Variants in PDE4D observed in about 807,000 individuals in gnomAD.
PDE4D encodes the protein phosphodiesterase 4D, also known as 3',5'-cyclic-AMP phosphodiesterase 4D.
Under a neutral mutation model 87.4 loss-of-function variants are expected in PDE4D, and 24 were observed. The ratio of observed to expected loss-of-function variants is 0.27; its 90% confidence interval spans 0.20 to 0.39. PDE4D has a LOEUF of 0.39. Among genes scored for constraint, PDE4D ranks in the 10% least tolerant of loss-of-function variants. PDE4D has a pLI of 1.00. For synonymous variants in PDE4D, 384 were observed against 383.2 expected (o/e 1.00, Z -0.02); for missense variants, 714 against 1,041.0 (o/e 0.69, Z 4.32).
At chr5:59,325,824 T>C (rs538090132) in intron 1 of PDE4D, among the ~76,000 whole-genome samples, 20 of 152,204 alleles carry the variant, frequency 1.3e-4, no homozygotes, top group African/African-American at 4.6e-4. Flanking sequence ...ATTGATGCAA[T>C]CTGTCAAATT....
chr5:60,293,404 C>T (rs919458429), intron 1 of PDE4D, among the ~76,000 whole-genome samples: 1 of 152,024 alleles, frequency 6.6e-6, no homozygotes, highest in Non-Finnish European at 1.5e-5. Context: ...GTCCCAGCTA[C>T]TCGGGAGGCT....
intron 5 of PDE4D, among the ~76,000 whole-genome samples, chr5:59,097,661 C>T (rs1769986076): frequency 6.6e-6 from 1 of 152,156 alleles, no homozygotes; most frequent in East Asian, 1.9e-4. Flanking sequence ...AAGAAGCAAA[C>T]TTTGAGCACT....
At chr5:60,158,524 T>C (rs1284153451) in intron 2 of PDE4D, among the ~76,000 whole-genome samples, 1 of 152,204 alleles carries the variant, frequency 6.6e-6, no homozygotes, top group Non-Finnish European at 1.5e-5. Flanking sequence ...ATGTAGACTT[T>C]ATAAACACTG....
intron 3 of PDE4D, among the ~76,000 whole-genome samples, chr5:59,916,080 T>TA (rs1195437550): frequency 6.6e-6 from 1 of 152,120 alleles, no homozygotes; most frequent in Non-Finnish European, 1.5e-5. Flanking sequence ...AACCCCAAAA[T>TA]ACGGGTAGTC....
intron 1 of PDE4D, among the ~76,000 whole-genome samples, chr5:59,859,893 T>C (rs1746002367): frequency 6.6e-6 from 1 of 152,154 alleles, no homozygotes; most frequent in Admixed American, 6.6e-5. Context: ...ATTGGTCCTC[T>C]AAAAGTACAA....
chr5:59,623,259 T>C (rs1830538161), intron 1 of PDE4D, among the ~76,000 whole-genome samples: 2 of 152,234 alleles, frequency 1.3e-5, no homozygotes, highest in African/African-American at 2.4e-5. Context: ...AGTACAGTGC[T>C]GTTCAATCGA....
intron 1 of PDE4D, among the ~76,000 whole-genome samples, chr5:59,554,407 A>G (rs1242305206): frequency 6.6e-6 from 1 of 152,140 alleles, no homozygotes; most frequent in Non-Finnish European, 1.5e-5. Flanking sequence ...CTGCCCACAG[A>G]TGGCAAGTGA....
chr5:58,997,239 A>G (rs1749425307), intron 6 of PDE4D, among the ~76,000 whole-genome samples: 3 of 152,186 alleles, frequency 2.0e-5, no homozygotes, highest in Admixed American at 6.5e-5. Context: ...ATGAATAACC[A>G]CAAAAATTAC....
intron 1 of PDE4D, among the ~76,000 whole-genome samples, chr5:60,370,775 G>A (rs957817200): frequency 1.3e-5 from 2 of 152,114 alleles, no homozygotes; most frequent in African/African-American, 4.8e-5. Flanking sequence ...GTGTGTGTGT[G>A]TGCGTGCGTG....
chr5:59,676,497 G>T (rs1465837882), intron 1 of PDE4D, among the ~76,000 whole-genome samples: 3 of 152,068 alleles, frequency 2.0e-5, no homozygotes, highest in African/African-American at 7.2e-5. Context: ...ATATTAATTT[G>T]TGATCAACTA....
At chr5:60,044,128 AT>A (rs1204086981) in intron 2 of PDE4D, among the ~76,000 whole-genome samples, 1 of 151,854 alleles carries the variant, frequency 6.6e-6, no homozygotes, top group Non-Finnish European at 1.5e-5. Flanking sequence ...TTTATTGTAT[AT>A]TTTCAAATAG....
At chr5:59,655,377 CA>C (rs1211714865) in intron 1 of PDE4D, among the ~76,000 whole-genome samples, 2 of 152,138 alleles carry the variant, frequency 1.3e-5, no homozygotes, top group African/African-American at 2.4e-5. Flanking sequence ...AAGGTAGAAG[CA>C]CTTACTGATA....
intron 1 of PDE4D, among the ~76,000 whole-genome samples, chr5:59,556,142 T>G (rs1297341262): frequency 6.6e-6 from 1 of 152,198 alleles, no homozygotes; most frequent in Non-Finnish European, 1.5e-5. Flanking sequence ...CTATGTCATT[T>G]CTTCACTTTT....
At chr5:59,828,299 T>C (rs578165993) in intron 1 of PDE4D, among the ~76,000 whole-genome samples, 5 of 152,038 alleles carry the variant, frequency 3.3e-5, no homozygotes, top group Admixed American at 6.6e-5. Context: ...TCCAGATATA[T>C]GTTATAGAAA....
chr5:59,753,866 G>C (rs1410580212), intron 1 of PDE4D, among the ~76,000 whole-genome samples: 1 of 152,178 alleles, frequency 6.6e-6, no homozygotes, highest in Non-Finnish European at 1.5e-5. Context: ...GTATGTACGT[G>C]TTCATTTGCA....
chr5:60,303,181 T>C (rs1754082476), intron 1 of PDE4D, among the ~76,000 whole-genome samples: 1 of 152,074 alleles, frequency 6.6e-6, no homozygotes, highest in African/African-American at 2.4e-5. Context: ...TCTGGTATGA[T>C]GTCTCTTTTT....
chr5:59,655,649 A>G (rs1744230589), intron 1 of PDE4D, among the ~76,000 whole-genome samples: 1 of 152,152 alleles, frequency 6.6e-6, no homozygotes, highest in Non-Finnish European at 1.5e-5. Context: ...GCCAGAAGCC[A>G]TGGTTTTTAG....
intron 1 of PDE4D, among the ~76,000 whole-genome samples, chr5:60,387,151 G>A (rs1407380400): frequency 6.6e-6 from 1 of 152,204 alleles, no homozygotes; most frequent in Non-Finnish European, 1.5e-5. Context: ...CAGTAACAAG[G>A]ACAAGGTGAT....
intron 1 of PDE4D, among the ~76,000 whole-genome samples, chr5:60,321,739 AACAG>A (rs752709297): frequency 4.6e-5 from 7 of 152,344 alleles, no homozygotes; most frequent in Non-Finnish European, 8.8e-5. Flanking sequence ...AAAGGACATG[AACAG>A]ACATTTTTCA....
Sources: gnomAD v4.1 joint callset for allele counts (sites outside exome capture counted in the v4.1 genomes callset) on GRCh38, gnomAD v4.1.1 for gene constraint, MANE v1.5 for transcripts, NCBI Gene and HGNC (gene_info 2026-07-23, HGNC 2026-07-21) for gene names.